The following CDPF1 variants were observed in gnomAD, a reference collection of about 807,000 sequenced individuals.
CDPF1 encodes cysteine rich DPF motif domain containing 1, also known as cysteine-rich DPF motif domain-containing protein 1.
Under a neutral mutation model 8.3 loss-of-function variants are expected in CDPF1, and 8 were observed. The observed-to-expected ratio is 0.96, with a 90% CI of 0.57 to 1.74. CDPF1 has a LOEUF of 1.74. CDPF1 is among the 40% of genes most tolerant of loss of function. The probability of loss-of-function intolerance (pLI) is 0.00; values close to 1 mark genes in which losing one functional copy is unlikely to be tolerated. For synonymous variants in CDPF1, 62 were observed against 62.9 expected, an observed-to-expected ratio of 0.99 and a Z score of 0.07; for missense variants, 151 against 155.3, an observed-to-expected ratio of 0.97 and a Z score of 0.15.
Position 46,247,003 on chromosome 22 carries a change from A to G in CDPF1, c.225+107T>C. The G allele has an allele frequency of 8.0e-7, 1 of 1,247,964 alleles. No individual in the cohort carries two copies. Among genetic ancestry groups the G allele is most frequent in the Non-Finnish European group, 1.1e-6 (1 of 885,600 alleles). 77.3% of individuals were successfully genotyped at this position (1,247,964 alleles called of 1,614,324 possible). On this transcript the variant is annotated intron_variant, in intron 3 of 3. Coordinates refer to ENST00000314567, the MANE Select transcript of CDPF1 (RefSeq NM_207327.5). The surrounding 1 kb of genome is among the most constrained non-coding windows in gnomAD (Gnocchi z 4.3). ...TCATCAGCTGAGGGGCCCCATCTAT[A>G]ATGGGGTGAACCCGCTGCTCCCTCT...
Position 46,246,808 on chromosome 22 carries a change from T to A in CDPF1, c.225+302A>T. Reference sequence around the variant, plus strand: ...CCTCCAAGAACATCTAGAAAGTAAGTCACCATCCTGGTGAGAGGGCGCACA... The same window carrying A: ...CCTCCAAGAACATCTAGAAAGTAAGACACCATCCTGGTGAGAGGGCGCACA... On this transcript the variant is annotated intron_variant, in intron 3 of 3. Coordinates refer to ENST00000314567, the MANE Select transcript of CDPF1 (RefSeq NM_207327.5). This position sits in a 1 kb window ranked among gnomAD's most constrained non-coding sequence, Gnocchi z 7.1. 6.3e-7 allele frequency: 1 copy of A among 1,579,222 alleles called. No individual in the cohort carries two copies. Among genetic ancestry groups the A allele is most frequent in the Non-Finnish European group, 8.6e-7 (1 of 1,163,288 alleles).
rs1936526120 is a variant in CDPF1 at position 46,248,465 on chromosome 22, G to C, written c.1-181C>G. 6.6e-6 allele frequency among the ~76,000 whole-genome samples: 1 copy of C among 152,198 alleles called. No individual in the cohort carries two copies. The highest frequency in any genetic ancestry group is 1.5e-5 in the Non-Finnish European group (1 of 68,028). Reference sequence around the variant, plus strand: ...ACCGGTGCCCAGAGTGACAGGATTTGCTGTCCATATTCCAATGGTTTAAGG... The same window carrying C: ...ACCGGTGCCCAGAGTGACAGGATTTCCTGTCCATATTCCAATGGTTTAAGG... On this transcript the variant is annotated intron_variant, in intron 1 of 3. Coordinates refer to ENST00000314567, the MANE Select transcript of CDPF1 (RefSeq NM_207327.5). This position sits in a 1 kb window ranked among gnomAD's most constrained non-coding sequence, Gnocchi z 4.1.
In CDPF1 at chr22:46,244,844, G is replaced by T; in HGVS notation, c.*248C>A. The T allele has an allele frequency of 1.2e-5, 6 of 484,164 alleles. No homozygotes were observed. Among genetic ancestry groups the T allele is most frequent in the Non-Finnish European group, 1.5e-5 (4 of 264,668 alleles). 30.0% of individuals were successfully genotyped at this position (484,164 alleles called of 1,614,324 possible). A position where few individuals can be genotyped will look rare whatever the true frequency, so the allele number is the denominator to read the frequency against. On this transcript the variant is annotated 3_prime_UTR_variant, in exon 4 of 4. Transcript: ENST00000314567. This position sits in a 1 kb window ranked among gnomAD's most constrained non-coding sequence, Gnocchi z 6.7. ...CAGGCCTGGGCCCTGAGGGGCATGT[G>T]GGGGGACCTGGCCGGGTTCCTGGCT... is the stretch of plus-strand genomic sequence containing the variant.
In CDPF1 at chr22:46,248,302, G is replaced by C. The variant is rs780092706; in HGVS notation, c.1-18C>G. The C allele has an allele frequency of 1.3e-6, 2 of 1,535,640 alleles. No individual in the cohort carries two copies. Among genetic ancestry groups the C allele is most frequent in the East Asian group, 4.5e-5 (2 of 44,394 alleles). ...GACGCCATCTGCAAGATCAAGAGAT[G>C]GGGTGTCCCTGGGTCACAGGCTTTC... On this transcript the variant is annotated intron_variant, in intron 1 of 3. Coordinates refer to ENST00000314567, the MANE Select transcript of CDPF1 (RefSeq NM_207327.5). This position sits in a 1 kb window ranked among gnomAD's most constrained non-coding sequence, Gnocchi z 4.1.
chr22:46,245,160 G>T lies in CDPF1; in HGVS notation c.304C>A (p.Arg102=). 1.2e-6 allele frequency: 2 copies of T among 1,614,224 alleles called. No individual in the cohort carries two copies. The highest frequency in any genetic ancestry group is 1.7e-6 in the Non-Finnish European group (2 of 1,180,036). Residue 102 remains arginine (R), a synonymous_variant, in exon 4 of 4, where the codon CGG becomes AGG. Transcript: ENST00000314567. This position sits in a 1 kb window ranked among gnomAD's most constrained non-coding sequence, Gnocchi z 6.9. ...ENINAFPQEI[R]QDLEKRKAPS... is the part of the protein sequence containing the mutation. ...GCTTTCCTTTTCTCCAAGTCTTGCC[G>T]AATTTCCTGAGGAAAAGCATTGATG...
rs1156363307 is a variant in CDPF1 at position 46,245,184 on chromosome 22, TG to T, written c.279del (p.Asn93LysfsTer37). 1 of 1,614,238 alleles carries T rather than the reference TG, an allele frequency of 6.2e-7. No individual in the cohort carries two copies. The highest frequency in any genetic ancestry group is 1.1e-5 in the South Asian group (1 of 91,090). On this transcript the variant is annotated frameshift_variant, in exon 4 of 4. Coordinates refer to ENST00000314567, the MANE Select transcript of CDPF1 (RefSeq NM_207327.5). LOFTEE classifies it low-confidence loss of function (END_TRUNC). The surrounding 1 kb of genome is among the most constrained non-coding windows in gnomAD (Gnocchi z 6.9). The part of the protein sequence containing the change: ...KRFCLPCVRE[N>X]INAFPQEIRQ... ...CGAATTTCCTGAGGAAAAGCATTGA[TG>T]TTCTCCCGGACACAAGGGAGGCAGA...
At position 46,248,972 on chromosome 22, in the gene CDPF1, T is replaced by C. The variant is rs1469742987; in HGVS notation, c.1-688A>G. On this transcript the variant is annotated intron_variant, in intron 1 of 3. Transcript: ENST00000314567. The surrounding 1 kb of genome is among the most constrained non-coding windows in gnomAD (Gnocchi z 4.1). ...AGACGGAGCTTGCAGTGAGCCGAGA[T>C]CGCGTCACTGCACTCCAGCCTGGGA... Among the ~76,000 whole-genome samples, 2 of 152,080 alleles carry C rather than the reference T, an allele frequency of 1.3e-5. No individual in the cohort carries two copies. The highest frequency in any genetic ancestry group is 2.9e-5 in the Non-Finnish European group (2 of 68,012).
At position 46,246,671 on chromosome 22, in the gene CDPF1, AC is replaced by A. The variant is rs1936494208; in HGVS notation, c.225+438del. 6.4e-7 allele frequency: 1 copy of A among 1,569,502 alleles called. No homozygotes were observed. Among genetic ancestry groups the A allele is most frequent in the Non-Finnish European group, 8.6e-7 (1 of 1,157,924 alleles). Reference sequence around the variant, plus strand: ...AATGGGTGGAATATAATACTGCTTTACCTGACTAAGGGGCAGGACTGAATGA... The same window carrying A: ...AATGGGTGGAATATAATACTGCTTTACTGACTAAGGGGCAGGACTGAATGA... On this transcript the variant is annotated intron_variant, in intron 3 of 3. Transcript: ENST00000314567. The surrounding 1 kb of genome is among the most constrained non-coding windows in gnomAD (Gnocchi z 7.1).
chr22:46,247,174 T>A lies in CDPF1; in HGVS notation c.161A>T (p.Lys54Met). The stretch of plus-strand genomic sequence containing the variant: ...CGAGCCGAGGACCAGGAATCTGTCC[T>A]TGTCGGAGGTGAAGGGATCCTTCAT... ...YVMKDPFTSDKDRFLVLGSCC... is the reference protein window; with the variant it reads ...YVMKDPFTSDMDRFLVLGSCC... Residue 54 changes from lysine (K) to methionine (M), a missense_variant, in exon 3 of 4, where the codon AAG becomes ATG. Lys to Met is a moderately conservative substitution (Grantham distance 95). Transcript: ENST00000314567. This position sits in a 1 kb window ranked among gnomAD's most constrained non-coding sequence, Gnocchi z 4.3. 1.2e-6 allele frequency: 2 copies of A among 1,614,130 alleles called. No individual in the cohort carries two copies. The highest frequency in any genetic ancestry group is 1.7e-6 in the Non-Finnish European group (2 of 1,179,996).
rs981647664 is a variant in CDPF1, at chr22:46,246,569, T to C, written c.225+541A>G. On this transcript the variant is annotated intron_variant, in intron 3 of 3. Coordinates refer to ENST00000314567, the MANE Select transcript of CDPF1 (RefSeq NM_207327.5). This position sits in a 1 kb window ranked among gnomAD's most constrained non-coding sequence, Gnocchi z 7.1. ...TGAAAGCCATGCTGCTCCACTTCCA[T>C]CCGTCCTTGGGTTTACAGCTACCCA... 7.2e-7 allele frequency: 1 copy of C among 1,385,688 alleles called. No individual in the cohort carries two copies. The highest frequency in any genetic ancestry group is 1.4e-5 in the African/African-American group (1 of 69,154). 85.8% of individuals were successfully genotyped at this position (1,385,688 alleles called of 1,614,324 possible).
Position 46,245,314 on chromosome 22 carries a change from C to G in CDPF1, c.226-76G>C. The G allele has an allele frequency of 1.3e-6, 2 of 1,538,926 alleles. No homozygotes were observed. Among genetic ancestry groups the G allele is most frequent in the Admixed American group, 3.6e-5 (2 of 55,866 alleles). On this transcript the variant is annotated intron_variant, in intron 3 of 3. Transcript: ENST00000314567. The surrounding 1 kb of genome is among the most constrained non-coding windows in gnomAD (Gnocchi z 6.9). ...CAGCTCCTCCCAGGGGCCAGCCCTT[C>G]CCACACTTGGGGGGCTGGGCTGGGG...
At position 46,248,186 on chromosome 22, in the gene CDPF1, G is replaced by T; in HGVS notation, c.99C>A (p.Asn33Lys). 6.2e-7 allele frequency: 1 copy of T among 1,612,936 alleles called. No homozygotes were observed. The part of the protein sequence containing the change: ...PYSYVGQKPP[N>K]TQSMVLLEES... ...CATGCACTCACACCATCGACTGGGT[G>T]TTGGGGGGCTTCTGTCCCACATAGC... The change falls in exon 2 of 4, where the codon AAC (asparagine) becomes AAA (lysine). Residue 33 changes from asparagine (N) to lysine (K), a missense_variant. By Grantham distance (94) the Asn-to-Lys change is moderately conservative. Transcript: ENST00000314567. This position sits in a 1 kb window ranked among gnomAD's most constrained non-coding sequence, Gnocchi z 4.1.
At position 46,247,809 on chromosome 22, in the gene CDPF1, G is replaced by A. The variant is rs1936514099; in HGVS notation, c.113+363C>T. ...GGACAAGCTGGAGGTCAAGAGATAA[G>A]CCCCCTGACCCACTGGCTCTAATCC... is the stretch of plus-strand genomic sequence containing the variant. On this transcript the variant is annotated intron_variant, in intron 2 of 3. Transcript: ENST00000314567. The surrounding 1 kb of genome is among the most constrained non-coding windows in gnomAD (Gnocchi z 4.3). 6.6e-6 allele frequency among the ~76,000 whole-genome samples: 1 copy of A among 152,220 alleles called. No homozygotes were observed. Among genetic ancestry groups the A allele is most frequent in the Non-Finnish European group, 1.5e-5 (1 of 68,040 alleles).
Position 46,246,304 on chromosome 22 carries a change from C to A in CDPF1, c.225+806G>T, listed in dbSNP as rs1304388067. Among the ~76,000 whole-genome samples, 1 of 147,620 alleles carries A rather than the reference C, an allele frequency of 6.8e-6. No homozygotes were observed. Among genetic ancestry groups the A allele is most frequent in the African/African-American group, 2.5e-5 (1 of 39,916 alleles). Reference sequence around the variant, plus strand: ...CAAGGCCAAGGTGTTGCATTCAAGACCTCCACCTCCCCACCTGGCCCACCC... The same window carrying A: ...CAAGGCCAAGGTGTTGCATTCAAGAACTCCACCTCCCCACCTGGCCCACCC... On this transcript the variant is annotated intron_variant, in intron 3 of 3. Transcript: ENST00000314567. The surrounding 1 kb of genome is among the most constrained non-coding windows in gnomAD (Gnocchi z 7.1).
In CDPF1 at chr22:46,246,316, C is replaced by A. The variant is rs73886773; in HGVS notation, c.225+794G>T. Among the ~76,000 whole-genome samples, 1 of 152,032 alleles carries A rather than the reference C, an allele frequency of 6.6e-6. No individual in the cohort carries two copies. On this transcript the variant is annotated intron_variant, in intron 3 of 3. Coordinates refer to ENST00000314567, the MANE Select transcript of CDPF1 (RefSeq NM_207327.5). This position sits in a 1 kb window ranked among gnomAD's most constrained non-coding sequence, Gnocchi z 7.1. ...GTTGCATTCAAGACCTCCACCTCCC[C>A]ACCTGGCCCACCCACCTTTGCAGTC...
rs1376482622 is a variant in CDPF1, at chr22:46,245,665, G to A, written c.226-427C>T. Among the ~76,000 whole-genome samples, 3 of 152,220 alleles carry A rather than the reference G, an allele frequency of 2.0e-5. No homozygotes were observed. The highest frequency in any genetic ancestry group is 1.5e-5 in the Non-Finnish European group (1 of 68,032). On this transcript the variant is annotated intron_variant, in intron 3 of 3. Coordinates refer to ENST00000314567, the MANE Select transcript of CDPF1 (RefSeq NM_207327.5). This position sits in a 1 kb window ranked among gnomAD's most constrained non-coding sequence, Gnocchi z 6.9. ...CAGCCCCACAGACCAAAGACGCCAT[G>A]GACGAGCCAGCTAGTCTGGGCAGGA...
At position 46,245,310 on chromosome 22, in the gene CDPF1, C is replaced by T. The variant is rs1936471722; in HGVS notation, c.226-72G>A. 11 of 1,548,392 alleles carry T rather than the reference C, an allele frequency of 7.1e-6. No homozygotes were observed. Among genetic ancestry groups the T allele is most frequent in the Non-Finnish European group, 9.7e-6 (11 of 1,136,598 alleles). On this transcript the variant is annotated intron_variant, in intron 3 of 3. Coordinates refer to ENST00000314567, the MANE Select transcript of CDPF1 (RefSeq NM_207327.5). The surrounding 1 kb of genome is among the most constrained non-coding windows in gnomAD (Gnocchi z 6.9). Reference sequence around the variant, plus strand: ...GGTGCAGCTCCTCCCAGGGGCCAGCCCTTCCCACACTTGGGGGGCTGGGCT... The same window carrying T: ...GGTGCAGCTCCTCCCAGGGGCCAGCTCTTCCCACACTTGGGGGGCTGGGCT...
In CDPF1 at chr22:46,245,588, G is replaced by A. The variant is rs142585564; in HGVS notation, c.226-350C>T. Reference sequence around the variant, plus strand: ...CCAGAGTCCTCCCGTCCCAGCTATCGCAGCACGAACAGTGGCCACCTGGTG... The same window carrying A: ...CCAGAGTCCTCCCGTCCCAGCTATCACAGCACGAACAGTGGCCACCTGGTG... On this transcript the variant is annotated intron_variant, in intron 3 of 3. Coordinates refer to ENST00000314567, the MANE Select transcript of CDPF1 (RefSeq NM_207327.5). This position sits in a 1 kb window ranked among gnomAD's most constrained non-coding sequence, Gnocchi z 6.9. 0.015 allele frequency among the ~76,000 whole-genome samples: 2,356 copies of A among 152,334 alleles called. 33 individuals carry two copies. Among genetic ancestry groups the A allele is most frequent in the Non-Finnish European group, 0.026 (1,737 of 68,010 alleles).
chr22:46,245,025 T>C lies in CDPF1; in HGVS notation c.*67A>G. The stretch of plus-strand genomic sequence containing the variant: ...CATGGCGGCTCCCAGCTCAGCAGCA[T>C]CCCTGGCGCAGGCTGGCCCAGGAGC... On this transcript the variant is annotated 3_prime_UTR_variant, in exon 4 of 4. Coordinates refer to ENST00000314567, the MANE Select transcript of CDPF1 (RefSeq NM_207327.5). This position sits in a 1 kb window ranked among gnomAD's most constrained non-coding sequence, Gnocchi z 6.9. 6.3e-7 allele frequency: 1 copy of C among 1,579,068 alleles called. No individual in the cohort carries two copies. Among genetic ancestry groups the C allele is most frequent in the Non-Finnish European group, 8.6e-7 (1 of 1,159,636 alleles).
Sources: gnomAD v4.1 joint callset for allele counts (sites outside exome capture counted in the v4.1 genomes callset) on GRCh38, gnomAD v4.1.1 for gene constraint, Gnocchi (gnomAD v3.1) non-coding constraint, MANE v1.5 for transcripts, NCBI Gene and HGNC (gene_info 2026-07-23, HGNC 2026-07-21) for gene names.